Variants in CALCR observed in about 807,000 individuals in gnomAD.
The protein encoded by CALCR is calcitonin receptor.
In CALCR, 47 loss-of-function variants were observed where a neutral mutation model predicts 59.5. That is an observed-to-expected ratio of 0.79 (90% CI 0.63 to 1.01). The LOEUF is 1.01. Ranked by LOEUF, CALCR falls within the 50% of genes least tolerant of loss-of-function variation. The pLI is 0.00. For synonymous variants in CALCR, 213 were observed against 211.3 expected (o/e 1.01, Z -0.07); for missense variants, 566 against 597.1 (o/e 0.95, Z 0.54).
chr7:93,501,379 T>G (rs1801318822), intron 2 of CALCR, among the ~76,000 whole-genome samples: 1 of 152,068 alleles, frequency 6.6e-6, no homozygotes, highest in African/African-American at 2.4e-5. Context: ...TTTTACAAAT[T>G]TATGAGGTAC....
intron 2 of CALCR, among the ~76,000 whole-genome samples, chr7:93,562,433 AACAAC>A (rs1386776752): frequency 6.8e-4 from 101 of 148,080 alleles, no homozygotes; most frequent in African/African-American, 2.4e-3. Flanking sequence ...CAACAACAAC[AACAAC>A]AAAAAACAAT....
chr7:93,528,368 G>C (rs1239940990), intron 2 of CALCR, among the ~76,000 whole-genome samples: 1 of 152,126 alleles, frequency 6.6e-6, no homozygotes, highest in Non-Finnish European at 1.5e-5. Flanking sequence ...GTGATGGTGC[G>C]CTGCACCCAT....
chr7:93,503,900 T>G (rs1248686188), intron 2 of CALCR, among the ~76,000 whole-genome samples: 1 of 152,166 alleles, frequency 6.6e-6, no homozygotes, highest in African/African-American at 2.4e-5. Context: ...TTCTCTATAA[T>G]GAAGGCTTCA....
At chr7:93,551,441 T>C (rs1273737563) in intron 2 of CALCR, among the ~76,000 whole-genome samples, 1 of 152,220 alleles carries the variant, frequency 6.6e-6, no homozygotes, top group African/African-American at 2.4e-5. Context: ...ATGATTCACA[T>C]GCTCATAATC....
intron 3 of CALCR, among the ~76,000 whole-genome samples, chr7:93,479,828 C>A (rs1800755501): frequency 6.6e-6 from 1 of 151,738 alleles, no homozygotes; most frequent in Non-Finnish European, 1.5e-5. Flanking sequence ...GTAAACAAAA[C>A]AAATAATCTA....
rs1216782857 is a variant in CALCR, at chr7:93,479,578, A to C, written c.52-71T>G. On this transcript the variant is annotated intron_variant, in intron 3 of 13. Coordinates refer to ENST00000426151, the MANE Select transcript of CALCR (RefSeq NM_001742.4). ...GTGAGCACAAATAAATGAGACAATG[A>C]AAAAGTTTGAAAACATTTATTTTTG... 4 of 1,377,376 alleles carry C rather than the reference A, an allele frequency of 2.9e-6. No individual in the cohort carries two copies. In the East Asian group the frequency reaches 9.4e-5, roughly 32 times the overall value. The allele number at this position is 1,377,376 out of a possible 1,614,324, so 85.3% of individuals were successfully genotyped here.
intron 12 of CALCR, among the ~76,000 whole-genome samples, chr7:93,434,847 C>G (rs2092279959): frequency 6.6e-6 from 1 of 152,202 alleles, no homozygotes; most frequent in African/African-American, 2.4e-5. Flanking sequence ...GCTAAAAGAA[C>G]AGTTCGAACT....
intron 9 of CALCR, among the ~76,000 whole-genome samples, chr7:93,440,982 G>A (rs1799890036): frequency 6.6e-6 from 1 of 152,034 alleles, no homozygotes; most frequent in South Asian, 2.1e-4. Flanking sequence ...TATTGCCTTT[G>A]TTTTTGATAC....
At chr7:93,449,376 G>T (rs1401643313) in intron 8 of CALCR, among the ~76,000 whole-genome samples, 3 of 151,912 alleles carry the variant, frequency 2.0e-5, no homozygotes, top group African/African-American at 7.2e-5. Flanking sequence ...GGTCTATGTT[G>T]GTTAAATTGG....
At chr7:93,435,084 T>C (rs1176352028) in intron 12 of CALCR, among the ~76,000 whole-genome samples, 1 of 152,060 alleles carries the variant, frequency 6.6e-6, no homozygotes. Context: ...TGGGTAAAGG[T>C]GAATGGAACT....
Position 93,477,291 on chromosome 7 carries a change from A to C in CALCR, c.316+267T>G, listed in dbSNP as rs182337578. On this transcript the variant is annotated intron_variant, in intron 5 of 13. Coordinates refer to ENST00000426151, the MANE Select transcript of CALCR (RefSeq NM_001742.4). ...TTTTTAAAACTCACATTTAAATAAA[A>C]CTATTCACAGAGTTTTAGAAAAGCT... Among the ~76,000 whole-genome samples, 60 of 152,030 alleles carry C rather than the reference A, an allele frequency of 3.9e-4. No individual in the cohort carries two copies. In the East Asian group the frequency reaches 0.011, roughly 28 times the overall value.
chr7:93,573,738 T>C lies in CALCR; in HGVS notation c.-27+551A>G, dbSNP rs1033425470. Among the ~76,000 whole-genome samples the C allele has an allele frequency of 6.9e-4, 105 of 152,346 alleles. 1 individual carries two copies. Among genetic ancestry groups the C allele is most frequent in the Middle Eastern group, 6.8e-3 (2 of 294 alleles). ...AAAAAGAGTACTCTTTTGGAAACTATGCACACAACATATTTTTCCTAATAG... is the reference window on the plus strand; with the variant it reads ...AAAAAGAGTACTCTTTTGGAAACTACGCACACAACATATTTTTCCTAATAG... On this transcript the variant is annotated intron_variant, in intron 2 of 13. Transcript: ENST00000426151.
intron 6 of CALCR, among the ~76,000 whole-genome samples, chr7:93,469,845 T>C (rs1800516549): frequency 6.6e-6 from 1 of 151,624 alleles, no homozygotes; most frequent in South Asian, 2.1e-4. Flanking sequence ...GAATACCTTC[T>C]ATGAAGTTCT....
chr7:93,491,587 G>T (rs1329352320), intron 2 of CALCR, among the ~76,000 whole-genome samples: 1 of 152,118 alleles, frequency 6.6e-6, no homozygotes, highest in South Asian at 2.1e-4. Flanking sequence ...CCATCAAAAA[G>T]TGGGAAAAGG....
At position 93,496,072 on chromosome 7, in the gene CALCR, A is replaced by AAT. The variant is rs1297816115; in HGVS notation, c.-26-9067_-26-9066dup. ...CAAATTTACTTGAAAAGCAAAGTTAAATTATCTTTATTTTTTGTGGAAAGA... is the reference window on the plus strand; with the variant it reads ...CAAATTTACTTGAAAAGCAAAGTTAAATATTATCTTTATTTTTTGTGGAAAGA... On this transcript the variant is annotated intron_variant, in intron 2 of 13. Coordinates refer to ENST00000426151, the MANE Select transcript of CALCR (RefSeq NM_001742.4). 4 of 621,618 alleles carry AAT rather than the reference A, an allele frequency of 6.4e-6. No individual in the cohort carries two copies. In the East Asian group the frequency reaches 1.2e-4, roughly 19 times the overall value. The allele number at this position is 621,618 out of a possible 1,614,324, so 38.5% of individuals were successfully genotyped here. A position where few individuals can be genotyped will look rare whatever the true frequency, so the allele number is the denominator to read the frequency against.
intron 2 of CALCR, among the ~76,000 whole-genome samples, chr7:93,500,586 C>CTTTTTTTTTTTTTT: frequency 6.6e-6 from 1 of 151,894 alleles, no homozygotes; most frequent in African/African-American, 2.4e-5. Flanking sequence ...ATACATTTAT[C>CTTTTTTTTTTTTTT]TTTGTATGTT....
intron 2 of CALCR, among the ~76,000 whole-genome samples, chr7:93,522,873 A>C (rs866896233): frequency 7.7e-4 from 117 of 152,278 alleles, no homozygotes; most frequent in African/African-American, 2.7e-3. Context: ...CCACTGGCAA[A>C]CCTTTTGGAA....
chr7:93,479,328 A>C, intron 4 of CALCR, 26 bp downstream of exon 4: 3 of 1,568,790 alleles, frequency 1.9e-6, no homozygotes, highest in Non-Finnish European at 2.6e-6. Context: ...TTTCAAACAT[A>C]TGTTCATATA....
intron 2 of CALCR, among the ~76,000 whole-genome samples, chr7:93,573,709 C>T (rs1790053988): frequency 6.6e-6 from 1 of 152,172 alleles, no homozygotes; most frequent in African/African-American, 2.4e-5. Flanking sequence ...GGAAGAGCAT[C>T]ATGAAAAAGA....
Sources: allele counts gnomAD v4.1 joint callset (sites outside exome capture counted in the v4.1 genomes callset), GRCh38; gene constraint gnomAD v4.1.1; transcripts MANE v1.5; gene names NCBI Gene and HGNC (gene_info 2026-07-23, HGNC 2026-07-21).